KCNH5: variants seen among roughly 807,000 people sequenced by gnomAD.
KCNH5 encodes the protein potassium voltage-gated channel subfamily H member 5, also known as voltage-gated delayed rectifier potassium channel KCNH5.
KCNH5 carries 46 observed loss-of-function variants against 96.1 expected under a neutral mutation model. The ratio of observed to expected loss-of-function variants is 0.48; its 90% CI spans 0.38 to 0.61. KCNH5 has a LOEUF of 0.61. Among genes scored for constraint, KCNH5 ranks in the 20% least tolerant of loss-of-function variants. The pLI is 0.00. For missense variants in KCNH5, 907 were observed against 1,225.8 expected (o/e 0.74, Z 3.88); for synonymous variants, 439 against 449.8 (o/e 0.98, Z 0.30).
Position 62,701,868 on chromosome 14 carries a change from A to G in KCNH5, c.*5640T>C, listed in dbSNP as rs765451934. The G allele has an allele frequency of 3.9e-5, 6 of 152,250 alleles. No homozygotes were observed. Among genetic ancestry groups the G allele is most frequent in the Non-Finnish European group, 5.9e-5 (4 of 67,972 alleles). 9.4% of individuals were successfully genotyped at this position (152,250 alleles called of 1,614,324 possible). A position where few individuals can be genotyped will look rare whatever the true frequency, so the allele number is the denominator to read the frequency against. On this transcript the variant is annotated 3_prime_UTR_variant, in exon 11 of 11. Transcript: ENST00000322893. ...TTTGGAAATAAGGATACAAGTTGCC[A>G]TTCTAAACAGAAATAGTTCATTTGG...
chr14:63,016,575 T>C (rs1193495424), intron 2 of KCNH5, among the ~76,000 whole-genome samples: 1 of 152,120 alleles, frequency 6.6e-6, no homozygotes, highest in Non-Finnish European at 1.5e-5. Flanking sequence ...TCCTGGCTCA[T>C]GGTAGGTCAT....
intron 9 of KCNH5, among the ~76,000 whole-genome samples, chr14:62,784,967 T>C (rs17256687): frequency 0.092 from 13,947 of 152,254 alleles, 798 homozygotes; most frequent in Non-Finnish European, 0.12. Flanking sequence ...TAGAAAAGCA[T>C]AGCAAAATTA....
chr14:62,748,315 G>T (rs1885422176), intron 10 of KCNH5, among the ~76,000 whole-genome samples: 1 of 152,156 alleles, frequency 6.6e-6, no homozygotes, highest in Non-Finnish European at 1.5e-5. Context: ...TATTTTGCAA[G>T]AATCGATATT....
chr14:63,028,499 G>A (rs1950989), intron 1 of KCNH5, among the ~76,000 whole-genome samples: 36,100 of 152,026 alleles, frequency 0.24, 5,495 homozygotes, highest in East Asian at 0.51. Context: ...ACAAAGCCGC[G>A]ATTCCCAAGG....
intron 10 of KCNH5, among the ~76,000 whole-genome samples, chr14:62,720,876 A>T (rs1325639133): frequency 2.6e-4 from 39 of 152,214 alleles, no homozygotes; most frequent in Admixed American, 2.5e-3. Flanking sequence ...ATGCGCGTGC[A>T]TGCACACACA....
At chr14:62,904,485 T>C (rs1206875877) in intron 7 of KCNH5, among the ~76,000 whole-genome samples, 1 of 152,148 alleles carries the variant, frequency 6.6e-6, no homozygotes, top group Non-Finnish European at 1.5e-5. Flanking sequence ...CACATGCCCC[T>C]ACCTCTTCCC....
In KCNH5 at chr14:62,700,730, G is replaced by C. The variant is rs572468529; in HGVS notation, c.*6778C>G. ...TGATTTTGCATAGTTTACTAGCTAG[G>C]TATTCTTCCTGTTTGCAGTCTTGGC... On this transcript the variant is annotated 3_prime_UTR_variant, in exon 11 of 11. Transcript: ENST00000322893. 5.3e-5 allele frequency: 8 copies of C among 152,218 alleles called. No individual in the cohort carries two copies. Among genetic ancestry groups the C allele is most frequent in the African/African-American group, 1.7e-4 (7 of 41,556 alleles). The allele number at this position is 152,218 out of a possible 1,614,324, so 9.4% of individuals were successfully genotyped here. A position where few individuals can be genotyped will look rare whatever the true frequency, so the allele number is the denominator to read the frequency against.
chr14:62,717,187 A>G (rs1884704556), intron 10 of KCNH5, among the ~76,000 whole-genome samples: 1 of 152,212 alleles, frequency 6.6e-6, no homozygotes, highest in Non-Finnish European at 1.5e-5. Flanking sequence ...TTAGAAAACA[A>G]TATTGCTAAC....
chr14:62,884,965 G>T (rs1380515151), intron 7 of KCNH5, among the ~76,000 whole-genome samples: 1 of 152,124 alleles, frequency 6.6e-6, no homozygotes, highest in Non-Finnish European at 1.5e-5. Flanking sequence ...TGAACTAGTT[G>T]TATAACTTTA....
intron 6 of KCNH5, among the ~76,000 whole-genome samples, chr14:62,953,780 G>GT (rs1410437387): frequency 2.6e-5 from 4 of 151,988 alleles, no homozygotes; most frequent in Non-Finnish European, 5.9e-5. Flanking sequence ...TGATTTCCTG[G>GT]TTTTTTCTCA....
At chr14:62,851,173 C>T (rs1887796461) in intron 7 of KCNH5, among the ~76,000 whole-genome samples, 1 of 151,952 alleles carries the variant, frequency 6.6e-6, no homozygotes, top group Admixed American at 6.6e-5. Flanking sequence ...TATTTGATGC[C>T]AGTGCAGGAC....
intron 10 of KCNH5, 131 bp downstream of exon 10, chr14:62,779,597 A>T (rs2139975237): frequency 1.5e-6 from 1 of 674,770 alleles, no homozygotes; most frequent in Admixed American, 3.1e-5. Context: ...AGAGAAGGAA[A>T]ATTATGCCAC....
intron 10 of KCNH5, among the ~76,000 whole-genome samples, chr14:62,740,327 C>T (rs185727388): frequency 5.3e-5 from 8 of 152,254 alleles, no homozygotes; most frequent in East Asian, 1.9e-4. Flanking sequence ...TGTGTGCACA[C>T]GCACACTTGT....
rs766919022 is a variant in KCNH5 at position 62,846,789 on chromosome 14, C to CTTTTTTTTTTTT, written c.1569+2852_1569+2863dup. 5.9e-5 allele frequency among the ~76,000 whole-genome samples: 4 copies of CTTTTTTTTTTTT among 67,464 alleles called. 1 individual carries two copies. The highest frequency in any genetic ancestry group is 1.3e-4 in the African/African-American group (2 of 15,042). The allele number at this position is 67,464 out of a possible 152,430, so 44.3% of individuals were successfully genotyped here. The stretch of plus-strand genomic sequence containing the variant: ...ATTGTATTGTATTATTGTATTGTAT[C>CTTTTTTTTTTTT]TTTTTTTTTTTTTTTTTTTTTTTTT... On this transcript the variant is annotated intron_variant, in intron 8 of 10. Coordinates refer to ENST00000322893, the MANE Select transcript of KCNH5 (RefSeq NM_139318.5).
chr14:62,958,560 C>CA (rs1890149490), intron 6 of KCNH5, among the ~76,000 whole-genome samples: 1 of 152,176 alleles, frequency 6.6e-6, no homozygotes, highest in Non-Finnish European at 1.5e-5. Flanking sequence ...ACACCAACTG[C>CA]AAAAGTAGTT....
At chr14:62,765,852 C>G (rs888822873) in intron 10 of KCNH5, among the ~76,000 whole-genome samples, 1 of 151,956 alleles carries the variant, frequency 6.6e-6, no homozygotes. Flanking sequence ...GGGATCACAT[C>G]AAGTCAAAAA....
intron 6 of KCNH5, among the ~76,000 whole-genome samples, chr14:62,968,690 A>T (rs547166624): frequency 6.6e-6 from 1 of 152,350 alleles, no homozygotes; most frequent in South Asian, 2.1e-4. Context: ...TATAGTTAGG[A>T]AATGTGGTAT....
intron 5 of KCNH5, among the ~76,000 whole-genome samples, chr14:62,982,795 A>T (rs1264601246): frequency 1.3e-5 from 2 of 152,088 alleles, no homozygotes; most frequent in Non-Finnish European, 2.9e-5. Flanking sequence ...TAGAATTGTT[A>T]TTTTTATTTT....
chr14:62,728,332 A>C (rs1048456793), intron 10 of KCNH5, among the ~76,000 whole-genome samples: 2 of 150,766 alleles, frequency 1.3e-5, no homozygotes, highest in East Asian at 1.9e-4. Context: ...GGTTGCAGTG[A>C]GCCAAGATCA....
Sources: gnomAD v4.1 joint callset for allele counts (sites outside exome capture counted in the v4.1 genomes callset) on GRCh38, gnomAD v4.1.1 for gene constraint, MANE v1.5 for transcripts, NCBI Gene and HGNC (gene_info 2026-07-23, HGNC 2026-07-21) for gene names.